The following DCHS1 variants were observed in gnomAD, a reference collection of about 807,000 sequenced individuals.
The protein encoded by DCHS1 is dachsous cadherin-related 1, also known as protocadherin-16.
A neutral mutation model predicts 213.9 loss-of-function variants in DCHS1; 78 were observed. The ratio of observed to expected loss-of-function variants is 0.36; its 90% CI spans 0.30 to 0.44. DCHS1 has a LOEUF of 0.44. Among genes scored for constraint, DCHS1 ranks in the 20% least tolerant of loss-of-function variants. The pLI, the probability that DCHS1 is intolerant of heterozygous loss-of-function variation, is 1.00. For missense variants in DCHS1, 3,946 were observed against 4,395.9 expected, an observed-to-expected ratio of 0.90 and a Z score of 2.89; for synonymous variants, 1,828 against 1,873.7, an observed-to-expected ratio of 0.98 and a Z score of 0.63.
In DCHS1 at chr11:6,621,965, G is replaced by A; in HGVS notation, c.9711C>T (p.Ser3237=). ...ACAGGGAGCCTTCATGGCTGATGGG[G>A]GAGCGGTGAGAAGCTGGTGGGAAGA... ...RAIFPPASHR[S]PISHEGSLSS... is the part of the protein sequence containing the mutation. Residue 3237 remains serine, a synonymous_variant, in exon 21 of 21, where the codon TCC becomes TCT. Coordinates refer to ENST00000299441, the MANE Select transcript of DCHS1 (RefSeq NM_003737.4). 3 of 1,613,516 alleles carry A rather than the reference G, an allele frequency of 1.9e-6. No individual in the cohort carries two copies. The highest frequency in any genetic ancestry group is 2.5e-6 in the Non-Finnish European group (3 of 1,179,784).
At position 6,627,355 on chromosome 11, in the gene DCHS1, C is replaced by G. The variant is rs766234551; in HGVS notation, c.5684G>C (p.Gly1895Ala). The G allele has an allele frequency of 2.5e-6, 4 of 1,607,946 alleles. No homozygotes were observed. The East Asian group carries it at 9.0e-5, about 36-fold the overall frequency. Residue 1895 changes from glycine to alanine, a missense_variant, in exon 14 of 21, where the codon GGC becomes GCC. Physicochemically the swap from Gly to Ala is moderately conservative, Grantham distance 60. Transcript: ENST00000299441. This position sits in a 1 kb window ranked among gnomAD's most constrained non-coding sequence, Gnocchi z 5.4. ...GANGHVTYYL[G>A]AGTAGAFLLE... The stretch of plus-strand genomic sequence containing the variant: ...CAGGAAGGCTCCTGCTGTACCGGCG[C>G]CCAGGTAGTAGGTCACATGGCCATT...
chr11:6,623,936 T>C lies in DCHS1; in HGVS notation c.7740A>G (p.Pro2580=). 6.2e-7 allele frequency: 1 copy of C among 1,606,524 alleles called. No homozygotes were observed. Among genetic ancestry groups the C allele is most frequent in the Non-Finnish European group, 8.5e-7 (1 of 1,174,516 alleles). Residue 2580 remains proline, a synonymous_variant, in exon 21 of 21, where the codon CCA becomes CCG. Coordinates refer to ENST00000299441, the MANE Select transcript of DCHS1 (RefSeq NM_003737.4). The part of the protein sequence containing the change: ...LTVAAADRGQ[P]PQSSVVPVTV... ...TGACTGGCACGACTGAGCTTTGGGG[T>C]GGCTGCCCACGGTCAGCTGCAGCCA...
rs192140460 is a variant in DCHS1, at chr11:6,635,964, G to A, written c.1798-1658C>T. On this transcript the variant is annotated intron_variant, in intron 2 of 20. Transcript: ENST00000299441. ...ATTTTCAGCAGATTCTCAGCTCAGC[G>A]TCTCAGTCCGACCTTGGTCGGCTCC... Among the ~76,000 whole-genome samples the A allele has an allele frequency of 5.9e-5, 9 of 152,280 alleles. No homozygotes were observed. The East Asian group carries it at 7.7e-4, about 13-fold the overall frequency.
chr11:6,621,966 G>C lies in DCHS1; in HGVS notation c.9710C>G (p.Ser3237Cys). The C allele has an allele frequency of 6.2e-7, 1 of 1,613,500 alleles. No homozygotes were observed. Among genetic ancestry groups the C allele is most frequent in the South Asian group, 1.1e-5 (1 of 91,040 alleles). Reference protein sequence around the residue: ...RAIFPPASHRSPISHEGSLSS... With the variant: ...RAIFPPASHRCPISHEGSLSS... ...CAGGGAGCCTTCATGGCTGATGGGGGAGCGGTGAGAAGCTGGTGGGAAGAT... is the reference window on the plus strand; with the variant it reads ...CAGGGAGCCTTCATGGCTGATGGGGCAGCGGTGAGAAGCTGGTGGGAAGAT... Residue 3237 changes from serine (S) to cysteine (C), a missense_variant, in exon 21 of 21, where the codon TCC (serine) becomes TGC (cysteine). Transcript: ENST00000299441.
rs1855895096 is a variant in DCHS1, at chr11:6,630,816, C to G, written c.3978G>C (p.Glu1326Asp). Residue 1326 changes from glutamate to aspartate, a missense_variant, in exon 10 of 21, where the codon GAG becomes GAC. Coordinates refer to ENST00000299441, the MANE Select transcript of DCHS1 (RefSeq NM_003737.4). Reference sequence around the variant, plus strand: ...CAGGCACTGGTGCCGCTGGGTCCCGCTCTGCGAGATCTGGGGGCGGCTCGG... The same window carrying G: ...CAGGCACTGGTGCCGCTGGGTCCCGGTCTGCGAGATCTGGGGGCGGCTCGG... ...RLAEPPPDLA[E>D]RDPAAPVPVV... 6.5e-7 allele frequency: 1 copy of G among 1,535,042 alleles called. No individual in the cohort carries two copies. The highest frequency in any genetic ancestry group is 1.4e-5 in the African/African-American group (1 of 72,776).
intron 1 of DCHS1, among the ~76,000 whole-genome samples, chr11:6,642,640 G>C (rs541575106): frequency 8.0e-5 from 12 of 150,644 alleles, no homozygotes; most frequent in Non-Finnish European, 1.2e-4. Flanking sequence ...GGGGTGGGGT[G>C]GGGGGGGCAT....
chr11:6,631,895 G>A (rs979667665), intron 6 of DCHS1, 86 bp from the exon 7 acceptor site: 3 of 1,455,556 alleles, frequency 2.1e-6, no homozygotes, highest in Non-Finnish European at 2.7e-6. Flanking sequence ...TGTTTGGGGA[G>A]TGGGGGAGGG....
chr11:6,655,498 G>T (rs1856302247), intron 1 of DCHS1, 65 bp downstream of exon 1: 13 of 940,124 alleles, frequency 1.4e-5, no homozygotes, highest in Non-Finnish European at 1.6e-5. Context: ...CGCTGCCGCA[G>T]CCCAGGGGAG....
At position 6,639,776 on chromosome 11, in the gene DCHS1, A is replaced by G. The variant is rs1438352894; in HGVS notation, c.1797+41T>C. ...CTCTGAGGTCCCCTGTGGCTCTCAGATTCCCCCAACACTATCTTGCTATGT... is the reference window on the plus strand; with the variant it reads ...CTCTGAGGTCCCCTGTGGCTCTCAGGTTCCCCCAACACTATCTTGCTATGT... On this transcript the variant is annotated intron_variant, in intron 2 of 20. Coordinates refer to ENST00000299441, the MANE Select transcript of DCHS1 (RefSeq NM_003737.4). The G allele has an allele frequency of 2.6e-6, 4 of 1,512,252 alleles. No individual in the cohort carries two copies. The African/African-American group carries it at 5.6e-5, about 21-fold the overall frequency. 93.7% of individuals were successfully genotyped at this position (1,512,252 alleles called of 1,614,324 possible).
rs754913718 is a variant in DCHS1 at position 6,629,830 on chromosome 11, G to A, written c.4877C>T (p.Ser1626Phe). 3.7e-6 allele frequency: 6 copies of A among 1,613,102 alleles called. No individual in the cohort carries two copies. Among genetic ancestry groups the A allele is most frequent in the South Asian group, 1.1e-5 (1 of 91,080 alleles). Residue 1626 changes from serine to phenylalanine, a missense_variant, in exon 11 of 21, where the codon TCC becomes TTC. Transcript: ENST00000299441. ...GACCTGCGTGGCCGAGCGCGGCGGG[G>A]AGCCGTGGTCTGAGGCCACCACTGT... ...VLTVVASDHG[S>F]PPRSATQVLT...
chr11:6,640,122 G>C lies in DCHS1; in HGVS notation c.1492C>G (p.Arg498Gly), dbSNP rs200084780. ...CCATTGGTGCCTTGGTCAGGATCCC[G>C]AGCAGTCACCCGCACTACAAAGCTG... Reference protein sequence around the residue: ...PGSFVVRVTARDPDQGTNGQV... With the variant: ...PGSFVVRVTAGDPDQGTNGQV... The change falls in exon 2 of 21, where the codon CGG becomes GGG. Residue 498 changes from arginine to glycine, a missense_variant. This residue lies in a region of DCHS1 where 3,384 missense variants were observed against 3,780.1 expected (regional missense o/e 0.90). Transcript: ENST00000299441. The surrounding 1 kb of genome is among the most constrained non-coding windows in gnomAD (Gnocchi z 6.5). 6.2e-7 allele frequency: 1 copy of C among 1,613,448 alleles called. No homozygotes were observed. Among genetic ancestry groups the C allele is most frequent in the Admixed American group, 1.7e-5 (1 of 59,922 alleles).
intron 2 of DCHS1, among the ~76,000 whole-genome samples, chr11:6,636,511 T>G (rs1855987778): frequency 6.6e-6 from 1 of 152,006 alleles, no homozygotes; most frequent in Non-Finnish European, 1.5e-5. Flanking sequence ...TGCCTGGCCT[T>G]TATTTATTTT....
chr11:6,655,512 G>C (rs1856302616), intron 1 of DCHS1, 51 bp downstream of exon 1: 6 of 964,446 alleles, frequency 6.2e-6, no homozygotes, highest in Non-Finnish European at 7.4e-6. Flanking sequence ...AGGGGAGGCC[G>C]GCGGGCAGGG....
rs760755692 is a variant in DCHS1, at chr11:6,625,874, G to A, written c.6731+46C>T. 6.2e-6 allele frequency: 10 copies of A among 1,603,368 alleles called. No homozygotes were observed. In the South Asian group the frequency reaches 8.9e-5, roughly 14 times the overall value. On this transcript the variant is annotated intron_variant, in intron 17 of 20. Transcript: ENST00000299441. This position sits in a 1 kb window ranked among gnomAD's most constrained non-coding sequence, Gnocchi z 5.3. ...TGAGTTCAAGGCAGGGCTTGAAACT[G>A]GACAGGCCCAAGATGGGGTCTTGGG...
Position 6,623,512 on chromosome 11 carries a change from C to G in DCHS1, c.8164G>C (p.Gly2722Arg). 2 of 1,603,032 alleles carry G rather than the reference C, an allele frequency of 1.2e-6. No homozygotes were observed. The highest frequency in any genetic ancestry group is 1.7e-6 in the Non-Finnish European group (2 of 1,174,888). ...GCATGCAGAGTGGTCACGAGAGTGC[C>G]TGGAGGCTGATTCTCGGCCACGCTG... The part of the protein sequence containing the change: ...STSVAENQPP[G>R]TLVTTLHAID... Residue 2722 changes from glycine (G) to arginine (R), a missense_variant, in exon 21 of 21, where the codon GGC (glycine) becomes CGC (arginine). Around this residue, in one of 3 missense-constraint regions of DCHS1, gnomAD observed 3,384 missense variants for 3,780.1 expected, o/e 0.90. Coordinates refer to ENST00000299441, the MANE Select transcript of DCHS1 (RefSeq NM_003737.4).
Position 6,628,806 on chromosome 11 carries a change from G to T in DCHS1, c.5186C>A (p.Pro1729His). ...LTVYAQDRGS[P>H]PQLTHVTVRV... ...AACAGTGACATGCGTTAACTGAGGA[G>T]GTGAGCCCCTGTCCTGGGCATACAC... is the stretch of plus-strand genomic sequence containing the variant. The change falls in exon 13 of 21, where the codon CCT becomes CAT. Residue 1729 changes from proline to histidine, a missense_variant. By Grantham distance (77) the Pro-to-His change is moderately conservative. This residue lies in a region of DCHS1 where 3,384 missense variants were observed against 3,780.1 expected (regional missense o/e 0.90). Transcript: ENST00000299441. This position sits in a 1 kb window ranked among gnomAD's most constrained non-coding sequence, Gnocchi z 4.3. 1.2e-6 allele frequency: 2 copies of T among 1,613,782 alleles called. No homozygotes were observed. The highest frequency in any genetic ancestry group is 1.3e-5 in the African/African-American group (1 of 75,054).
At chr11:6,642,582 A>T (rs1856095432) in intron 1 of DCHS1, among the ~76,000 whole-genome samples, 1 of 142,124 alleles carries the variant, frequency 7.0e-6, no homozygotes, top group African/African-American at 2.5e-5. Context: ...CAGTATGTGG[A>T]AAGGCTTAGA....
chr11:6,630,449 G>C lies in DCHS1; in HGVS notation c.4345C>G (p.Pro1449Ala), dbSNP rs1282404769. ...DPLALALPEN[P>A]EPGAALYTFR... ...GTGTACAGCGCTGCGCCGGGCTCCG[G>C]GTTCTCTGGCAGCGCCAGCGCCAGC... Residue 1449 changes from proline to alanine, a missense_variant, in exon 10 of 21, where the codon CCG (proline) becomes GCG (alanine). Coordinates refer to ENST00000299441, the MANE Select transcript of DCHS1 (RefSeq NM_003737.4). The C allele has an allele frequency of 7.3e-6, 11 of 1,512,362 alleles. No individual in the cohort carries two copies. The highest frequency in any genetic ancestry group is 9.7e-6 in the Non-Finnish European group (11 of 1,135,366). 93.7% of individuals were successfully genotyped at this position (1,512,362 alleles called of 1,614,324 possible). A position where few individuals can be genotyped will look rare whatever the true frequency, so the allele number is the denominator to read the frequency against.
rs774036164 is a variant in DCHS1 at position 6,633,615 on chromosome 11, C to A, written c.2252G>T (p.Arg751Leu). The change falls in exon 5 of 21, where the codon CGG (arginine) becomes CTG (leucine). Residue 751 changes from arginine (R) to leucine (L), a missense_variant. Physicochemically the swap from Arg to Leu is moderately radical, Grantham distance 102. Transcript: ENST00000299441. ...LLTVAWPLARRANSVVQLEIG... is the reference protein window; with the variant it reads ...LLTVAWPLARLANSVVQLEIG... ...CTCCAGCTGCACCACAGAATTGGCC[C>A]GTCTGGCCAAGGGCCAGGCTACTGT... The A allele has an allele frequency of 6.3e-7, 1 of 1,599,176 alleles. No individual in the cohort carries two copies. The highest frequency in any genetic ancestry group is 8.5e-7 in the Non-Finnish European group (1 of 1,172,736).
Sources: gnomAD v4.1 joint callset for allele counts (sites outside exome capture counted in the v4.1 genomes callset) on GRCh38, gnomAD v4.1.1 for gene constraint, gnomAD v4.1.1 regional missense constraint, Gnocchi (gnomAD v3.1) non-coding constraint, MANE v1.5 for transcripts, NCBI Gene and HGNC (gene_info 2026-07-23, HGNC 2026-07-21) for gene names.